HCRTR1: variants seen among roughly 807,000 people sequenced by gnomAD.
HCRTR1 encodes the protein orexin/Hypocretin receptor type 1.
Under a neutral mutation model 40.6 loss-of-function variants are expected in HCRTR1, and 28 were observed. That is an observed-to-expected ratio of 0.69 (90% confidence interval 0.51 to 0.95). The LOEUF is 0.95. Ranked by LOEUF, HCRTR1 falls within the 40% of genes least tolerant of loss-of-function variation. The probability of loss-of-function intolerance (pLI) is 0.00; values close to 1 mark genes in which losing one functional copy is unlikely to be tolerated. For synonymous variants in HCRTR1, 209 were observed against 230.0 expected, an observed-to-expected ratio of 0.91 and a Z score of 0.83; for missense variants, 482 against 564.7, an observed-to-expected ratio of 0.85 and a Z score of 1.48.
downstream of HCRTR1, among the ~76,000 whole-genome samples, chr1:31,631,618 TG>T (rs571328920): frequency 2.0e-4 from 31 of 152,280 alleles, no homozygotes; most frequent in South Asian, 6.2e-3. Flanking sequence ...TTGAAGGGTG[TG>T]GAATTATAAA....
downstream of HCRTR1, chr1:31,633,365 C>G: frequency 6.5e-7 from 1 of 1,543,850 alleles, no homozygotes; most frequent in South Asian, 1.2e-5. Flanking sequence ...GAAGGGCCAG[C>G]CTCAGTAACT....
chr1:31,622,460 T>C (rs1465768485), intron 6 of HCRTR1, among the ~76,000 whole-genome samples: 3 of 151,994 alleles, frequency 2.0e-5, no homozygotes, highest in African/African-American at 7.3e-5. Context: ...CCCAGTCCAG[T>C]AGGACCCTTC....
At chr1:31,629,427 G>C (rs1381804014), downstream of HCRTR1, among the ~76,000 whole-genome samples, 2 of 152,226 alleles carry the variant, frequency 1.3e-5, no homozygotes, top group Non-Finnish European at 1.5e-5. Flanking sequence ...GAGACACTCG[G>C]TGTAGACTGG....
chr1:31,633,980 A>C (rs963908517), downstream of HCRTR1, among the ~76,000 whole-genome samples: 1 of 151,498 alleles, frequency 6.6e-6, no homozygotes, highest in Non-Finnish European at 1.5e-5. Flanking sequence ...AAAAAAACCC[A>C]AAAAAAACAG....
intron 5 of HCRTR1, 120 bp downstream of exon 5, chr1:31,621,206 C>A: frequency 3.0e-6 from 4 of 1,350,800 alleles, no homozygotes; most frequent in Non-Finnish European, 4.0e-6. Flanking sequence ...CAGGTATTTC[C>A]CTAGGGGACA....
At chr1:31,624,535 G>T (rs907213780) in intron 7 of HCRTR1, among the ~76,000 whole-genome samples, 11 of 151,592 alleles carry the variant, frequency 7.3e-5, no homozygotes, top group African/African-American at 2.2e-4. Flanking sequence ...AACCATGCAC[G>T]TGTCTGTAGG....
downstream of HCRTR1, chr1:31,627,716 C>T (rs1327118868): frequency 1.2e-5 from 3 of 260,066 alleles, no homozygotes; most frequent in Non-Finnish European, 2.3e-5. Context: ...CACTAGAATG[C>T]TCTTATCTGC....
At chr1:31,630,707 G>C (rs760275627), downstream of HCRTR1, 4 of 1,614,030 alleles carry the variant, frequency 2.5e-6, no homozygotes, top group Middle Eastern at 1.7e-4. Flanking sequence ...GAAGGCCTCT[G>C]TCAGCACCTG....
downstream of HCRTR1, among the ~76,000 whole-genome samples, chr1:31,628,390 A>G (rs1316959489): frequency 6.6e-6 from 1 of 152,214 alleles, no homozygotes; most frequent in Non-Finnish European, 1.5e-5. Context: ...GCAGAGCTCT[A>G]GCTGCTGCCA....
Position 31,627,238 on chromosome 1 carries a change from G to C in HCRTR1, c.*258G>C. ...ATTATTGTTGTACTTCTCTCATTTG[G>C]CCATACCCCACAGTATAATCTGTCC... On this transcript the variant is annotated 3_prime_UTR_variant, in exon 9 of 9. Coordinates refer to ENST00000403528, the MANE Select transcript of HCRTR1 (RefSeq NM_001525.3). 3 of 1,486,614 alleles carry C rather than the reference G, an allele frequency of 2.0e-6. No individual in the cohort carries two copies. Among genetic ancestry groups the C allele is most frequent in the Non-Finnish European group, 2.7e-6 (3 of 1,115,380 alleles). 92.1% of individuals were successfully genotyped at this position (1,486,614 alleles called of 1,614,324 possible).
Position 31,625,697 on chromosome 1 carries a change from C to G in HCRTR1, c.1087+579C>G, listed in dbSNP as rs890972495. ...CACTCCCACTCCAGGCCTCTCCTCTCTGCTGTCCCACAGTGCCCACCCCCT... is the reference window on the plus strand; with the variant it reads ...CACTCCCACTCCAGGCCTCTCCTCTGTGCTGTCCCACAGTGCCCACCCCCT... On this transcript the variant is annotated intron_variant, in intron 8 of 8. Transcript: ENST00000403528. The surrounding 1 kb of genome is among the most constrained non-coding windows in gnomAD (Gnocchi z 4.2). 5.9e-5 allele frequency among the ~76,000 whole-genome samples: 9 copies of G among 152,186 alleles called. No homozygotes were observed. Among genetic ancestry groups the G allele is most frequent in the African/African-American group, 2.2e-4 (9 of 41,446 alleles).
At chr1:31,632,217 T>A, downstream of HCRTR1, 1 of 620,782 alleles carries the variant, frequency 1.6e-6, no homozygotes, top group South Asian at 1.9e-5. Flanking sequence ...AGGTGCCAAG[T>A]TTCCATCCTT....
intron 5 of HCRTR1, 58 bp downstream of exon 5, chr1:31,621,144 C>G: frequency 6.4e-7 from 1 of 1,555,848 alleles, no homozygotes; most frequent in Non-Finnish European, 8.7e-7. Flanking sequence ...GGAGCACGTA[C>G]CCCTAGGACA....
intron 7 of HCRTR1, among the ~76,000 whole-genome samples, chr1:31,624,518 G>C (rs533327203): frequency 9.3e-5 from 14 of 151,036 alleles, no homozygotes; most frequent in African/African-American, 3.2e-4. Context: ...AAGGAAGTGA[G>C]AGAGCTAACC....
chr1:31,623,481 G>A (rs200216899), intron 6 of HCRTR1, 42 bp from the exon 7 acceptor site: 59 of 1,540,052 alleles, frequency 3.8e-5, no homozygotes, highest in Non-Finnish European at 5.2e-5. Context: ...ACCCTCCCAA[G>A]GTGCTGTACC....
In HCRTR1 at chr1:31,626,905, C is replaced by G; in HGVS notation, c.1203C>G (p.Ser401=). Residue 401 remains serine (S), a synonymous_variant, in exon 9 of 9, where the codon TCC becomes TCG. Coordinates refer to ENST00000403528, the MANE Select transcript of HCRTR1 (RefSeq NM_001525.3). This position sits in a 1 kb window ranked among gnomAD's most constrained non-coding sequence, Gnocchi z 4.6. ...PRSSASHKSL[S]LQSRCSISKI... Reference sequence around the variant, plus strand: ...CCTCTGCCAGCCACAAGTCCTTGTCCTTGCAGAGCCGATGCTCCATCTCCA... The same window carrying G: ...CCTCTGCCAGCCACAAGTCCTTGTCGTTGCAGAGCCGATGCTCCATCTCCA... 1 of 1,614,002 alleles carries G rather than the reference C, an allele frequency of 6.2e-7. No homozygotes were observed.
Position 31,625,795 on chromosome 1 carries a change from T to A in HCRTR1, c.1087+677T>A, listed in dbSNP as rs1639964929. Among the ~76,000 whole-genome samples, 1 of 152,012 alleles carries A rather than the reference T, an allele frequency of 6.6e-6. No individual in the cohort carries two copies. The highest frequency in any genetic ancestry group is 1.5e-5 in the Non-Finnish European group (1 of 67,984). ...CAGCAGAAGTCTGACTCACCAGCCC[T>A]CTGACTTTGGGAATAGACTTCTAAA... On this transcript the variant is annotated intron_variant, in intron 8 of 8. Coordinates refer to ENST00000403528, the MANE Select transcript of HCRTR1 (RefSeq NM_001525.3). This position sits in a 1 kb window ranked among gnomAD's most constrained non-coding sequence, Gnocchi z 4.2.
chr1:31,623,769 T>A lies in HCRTR1; in HGVS notation c.965+20T>A, dbSNP rs753934532. ...TAAGAGGTGAGAGCACGGGGTATGG[T>A]TGGGGTGGGGAGAAGTTTGAGGTTG... On this transcript the variant is annotated intron_variant, in intron 7 of 8. Coordinates refer to ENST00000403528, the MANE Select transcript of HCRTR1 (RefSeq NM_001525.3). 6.3e-7 allele frequency: 1 copy of A among 1,592,390 alleles called. No homozygotes were observed. Among genetic ancestry groups the A allele is most frequent in the Admixed American group, 1.7e-5 (1 of 59,144 alleles).
At chr1:31,630,634 C>A (rs763606589), downstream of HCRTR1, 30 of 1,612,426 alleles carry the variant, frequency 1.9e-5, no homozygotes, top group Non-Finnish European at 2.5e-5. Flanking sequence ...GAGAAGCTGT[C>A]ATGGTGACGA....
Sources: allele counts gnomAD v4.1 joint callset (sites outside exome capture counted in the v4.1 genomes callset), GRCh38; gene constraint gnomAD v4.1.1; non-coding constraint Gnocchi (gnomAD v3.1); transcripts MANE v1.5; gene names NCBI Gene and HGNC (gene_info 2026-07-23, HGNC 2026-07-21).